The following SNX14 variants were observed in gnomAD, a reference collection of about 807,000 sequenced individuals.
The protein encoded by SNX14 is sorting nexin 14, also known as sorting nexin-14.
SNX14 carries 93 observed loss-of-function variants against 133.8 expected under a neutral mutation model. The ratio of observed to expected loss-of-function variants is 0.70; its 90% CI spans 0.59 to 0.83. The LOEUF (loss-of-function observed/expected upper bound fraction) is 0.83, where lower values mean the gene tolerates loss of function less well. SNX14 is among the 40% of genes least tolerant of loss of function. The pLI, the probability that SNX14 is intolerant of heterozygous loss-of-function variation, is 0.00. For missense variants in SNX14, 945 were observed against 1,094.9 expected, an observed-to-expected ratio of 0.86 and a Z score of 1.93; for synonymous variants, 368 against 365.6, an observed-to-expected ratio of 1.01 and a Z score of -0.07.
chr6:85,518,045 T>C lies in SNX14; in HGVS notation c.2111A>G (p.Lys704Arg). 6.2e-7 allele frequency: 1 copy of C among 1,603,586 alleles called. No homozygotes were observed. Among genetic ancestry groups the C allele is most frequent in the Non-Finnish European group, 8.5e-7 (1 of 1,173,814 alleles). Reference protein sequence around the residue: ...DKILPDVNLGKIIKSVPGKLM... With the variant: ...DKILPDVNLGRIIKSVPGKLM... Reference sequence around the variant, plus strand: ...TTTTCCAGGAACAGATTTTATAATTTTCCCTGCAATTAAAAGTAAAACATT... The same window carrying C: ...TTTTCCAGGAACAGATTTTATAATTCTCCCTGCAATTAAAAGTAAAACATT... The change falls in exon 22 of 29, where the codon AAA (lysine) becomes AGA (arginine). Residue 704 changes from lysine to arginine, a missense_variant. Physicochemically the swap from Lys to Arg is conservative, Grantham distance 26. Transcript: ENST00000314673.
At chr6:85,563,804 G>A (rs1416793372) in intron 6 of SNX14, among the ~76,000 whole-genome samples, 1 of 151,852 alleles carries the variant, frequency 6.6e-6, no homozygotes, top group Non-Finnish European at 1.5e-5. Flanking sequence ...AAAGTTCTAG[G>A]GTACATGTGC....
chr6:85,507,639 A>G (rs1202166286), intron 27 of SNX14, among the ~76,000 whole-genome samples: 2 of 152,214 alleles, frequency 1.3e-5, no homozygotes, highest in Admixed American at 1.3e-4. Flanking sequence ...CATAAACCAT[A>G]AACATAAAAA....
intron 5 of SNX14, 136 bp from the exon 6 acceptor site, chr6:85,565,555 T>C: frequency 3.3e-6 from 2 of 606,612 alleles, no homozygotes; most frequent in Non-Finnish European, 5.8e-6. Context: ...ATACATTTCA[T>C]TGCAGAAAAA....
At chr6:85,538,743 G>C in intron 16 of SNX14, 95 bp downstream of exon 16, 1 of 1,064,848 alleles carries the variant, frequency 9.4e-7, no homozygotes, top group Admixed American at 2.7e-5. Flanking sequence ...ATACCACAGT[G>C]TTCCATTTTT....
chr6:85,508,106 C>T (rs1771383454), intron 26 of SNX14, 47 bp from the exon 27 acceptor site: 2 of 1,579,640 alleles, frequency 1.3e-6, no homozygotes, highest in Non-Finnish European at 1.7e-6. Context: ...TATAAAGTGA[C>T]TCACCATTAA....
chr6:85,582,495 A>G (rs80214850), intron 1 of SNX14, among the ~76,000 whole-genome samples: 2 of 148,670 alleles, frequency 1.3e-5, no homozygotes, highest in Non-Finnish European at 3.0e-5. Flanking sequence ...CCAGGAGCCG[A>G]TTTTTTTTTT....
At chr6:85,540,818 T>C (rs1193542867) in intron 15 of SNX14, among the ~76,000 whole-genome samples, 1 of 152,180 alleles carries the variant, frequency 6.6e-6, no homozygotes, top group African/African-American at 2.4e-5. Context: ...CTTTTCTCTT[T>C]GTAGTACATA....
intron 6 of SNX14, chr6:85,561,176 A>T (rs1791433593): frequency 6.6e-6 from 1 of 152,010 alleles, no homozygotes; most frequent in Admixed American, 6.6e-5. Context: ...TCTACTAAAA[A>T]TACAAAAAAA....
intron 6 of SNX14, among the ~76,000 whole-genome samples, chr6:85,559,047 T>C (rs1348934522): frequency 1.3e-5 from 2 of 152,286 alleles, no homozygotes; most frequent in East Asian, 1.9e-4. Context: ...ATATTTCCTT[T>C]ATCAAAGGCA....
intron 1 of SNX14, among the ~76,000 whole-genome samples, chr6:85,575,635 G>GT (rs1240050041): frequency 1.3e-5 from 2 of 152,236 alleles, no homozygotes; most frequent in East Asian, 3.8e-4. Flanking sequence ...TGTAAATGAA[G>GT]TACAGAAGAA....
chr6:85,578,489 T>C (rs1468670656), intron 1 of SNX14, among the ~76,000 whole-genome samples: 1 of 152,004 alleles, frequency 6.6e-6, no homozygotes, highest in Admixed American at 6.5e-5. Context: ...CTGAAGACAA[T>C]GAACTTTCAG....
intron 16 of SNX14, 91 bp from the exon 17 acceptor site, chr6:85,537,015 G>A: frequency 1.5e-6 from 2 of 1,354,526 alleles, no homozygotes; most frequent in East Asian, 4.7e-5. Flanking sequence ...AAGAAAAACA[G>A]TTTTGAAAAT....
At chr6:85,593,518 G>C (rs1345359200) in intron 1 of SNX14, 61 bp downstream of exon 1, 5 of 1,543,688 alleles carry the variant, frequency 3.2e-6, no homozygotes, top group Admixed American at 4.1e-5. Context: ...TAAGCAGCAC[G>C]GGCCGGGCGT....
chr6:85,567,777 G>A (rs1380195686), intron 4 of SNX14, 200 bp from the exon 5 acceptor site: 2 of 350,724 alleles, frequency 5.7e-6, no homozygotes, highest in Non-Finnish European at 5.3e-6. Flanking sequence ...TAGCTCACGA[G>A]TTTGAGACCA....
chr6:85,542,640 C>T lies in SNX14; in HGVS notation c.1389+542G>A, dbSNP rs1018942322. 3.3e-5 allele frequency among the ~76,000 whole-genome samples: 5 copies of T among 152,300 alleles called. No individual in the cohort carries two copies. The East Asian group carries it at 9.6e-4, about 29-fold the overall frequency. ...TGATCTCCTGACCTTGTGATCCGCCCGCCTCGGCCTCCCAAAGTGCTGGGA... is the reference window on the plus strand; with the variant it reads ...TGATCTCCTGACCTTGTGATCCGCCTGCCTCGGCCTCCCAAAGTGCTGGGA... On this transcript the variant is annotated intron_variant, in intron 14 of 28. Coordinates refer to ENST00000314673, the MANE Select transcript of SNX14 (RefSeq NM_153816.6).
Position 85,565,369 on chromosome 6 carries a change from C to T in SNX14, c.512G>A (p.Arg171His), listed in dbSNP as rs199770185. The change falls in exon 6 of 29, where the codon CGT becomes CAT. Residue 171 changes from arginine to histidine, a missense_variant. By Grantham distance (29) the Arg-to-His change is conservative (BLOSUM62 0). Coordinates refer to ENST00000314673, the MANE Select transcript of SNX14 (RefSeq NM_153816.6). ...SFVDELRITLRFFASVLIRRI... is the reference protein window; with the variant it reads ...SFVDELRITLHFFASVLIRRI... ...TCTTATTAAGACAGATGCAAAAAAA[C>T]GTAATGTTATTCTCAGTTCATCAAC... 5 of 1,603,098 alleles carry T rather than the reference C, an allele frequency of 3.1e-6. No individual in the cohort carries two copies. The highest frequency in any genetic ancestry group is 1.7e-5 in the Admixed American group (1 of 58,552).
At chr6:85,543,358 AC>A (rs1262309005) in intron 13 of SNX14, 52 bp from the exon 14 acceptor site, 1 of 1,451,632 alleles carries the variant, frequency 6.9e-7, no homozygotes, top group African/African-American at 1.5e-5. Flanking sequence ...ATAAATATAT[AC>A]AGTTCTAAAA....
chr6:85,518,089 A>C, intron 21 of SNX14, 41 bp from the exon 22 acceptor site: 1 of 1,506,384 alleles, frequency 6.6e-7, no homozygotes, highest in Non-Finnish European at 9.1e-7. Flanking sequence ...AAGGCATAAA[A>C]CTCTTCATAA....
At chr6:85,517,604 C>T (rs1775470556) in intron 23 of SNX14, 152 bp downstream of exon 23, 1 of 774,250 alleles carries the variant, frequency 1.3e-6, no homozygotes, top group Non-Finnish European at 1.8e-6. Flanking sequence ...ACACACAATA[C>T]CCTCTGTATA....
Sources: allele counts gnomAD v4.1 joint callset (sites outside exome capture counted in the v4.1 genomes callset), GRCh38; gene constraint gnomAD v4.1.1; transcripts MANE v1.5; gene names NCBI Gene and HGNC (gene_info 2026-07-23, HGNC 2026-07-21).